Variants in GDAP1 observed in about 807,000 individuals in gnomAD.
The protein encoded by GDAP1 is ganglioside induced differentiation associated protein 1, also known as ganglioside-induced differentiation-associated protein 1.
A neutral mutation model predicts 40.1 loss-of-function variants in GDAP1; 34 were observed. That is an observed-to-expected ratio of 0.85 (90% confidence interval 0.64 to 1.13). The LOEUF (loss-of-function observed/expected upper bound fraction) is 1.13, where lower values mean the gene tolerates loss of function less well. Among genes scored for constraint, GDAP1 ranks in the 50% most tolerant of loss-of-function variants. The pLI, the probability that GDAP1 is intolerant of heterozygous loss-of-function variation, is 0.00. For missense variants in GDAP1, 374 were observed against 433.7 expected (o/e 0.86, Z 1.22); for synonymous variants, 170 against 157.4 (o/e 1.08, Z -0.60).
At chr8:74,406,492 C>T (rs1209881328) in intron 2 of GDAP1, among the ~76,000 whole-genome samples, 1 of 150,222 alleles carries the variant, frequency 6.7e-6, no homozygotes, top group Non-Finnish European at 1.5e-5. Context: ...TCAGCTCTGC[C>T]TGGATGAACA....
chr8:74,364,782 A>G lies in GDAP1; in HGVS notation c.*415A>G. 2.2e-6 allele frequency: 1 copy of G among 457,418 alleles called. No homozygotes were observed. The highest frequency in any genetic ancestry group is 1.5e-5 in the South Asian group (1 of 64,520). The allele number at this position is 457,418 out of a possible 1,614,324, so 28.3% of individuals were successfully genotyped here. A position where few individuals can be genotyped will look rare whatever the true frequency, so the allele number is the denominator to read the frequency against. ...AGAGGACTAGGGAATCACTGGGGAT[A>G]GTGGGCTGGAGAGAACCCCAGGCTT... On this transcript the variant is annotated 3_prime_UTR_variant, in exon 6 of 6. Transcript: ENST00000220822.
intron 3 of GDAP1, among the ~76,000 whole-genome samples, chr8:74,361,159 A>G (rs1323032956): frequency 1.3e-5 from 2 of 151,450 alleles, no homozygotes; most frequent in African/African-American, 4.9e-5. Context: ...CTCTTCATAA[A>G]TACCCTTTAT....
chr8:74,361,485 T>C (rs1809360742), intron 3 of GDAP1, among the ~76,000 whole-genome samples: 1 of 151,986 alleles, frequency 6.6e-6, no homozygotes, highest in African/African-American at 2.4e-5. Context: ...CAACCTCTGC[T>C]TCCTGAGTTC....
rs1317007133 is a variant in GDAP1 at position 74,365,349 on chromosome 8, G to A, written c.*982G>A. Reference sequence around the variant, plus strand: ...ACTTGGCAGTTAATCTAGGGAAGATGAATTAAATGGGTAGATAGTGATGCA... The same window carrying A: ...ACTTGGCAGTTAATCTAGGGAAGATAAATTAAATGGGTAGATAGTGATGCA... On this transcript the variant is annotated 3_prime_UTR_variant, in exon 6 of 6. Coordinates refer to ENST00000220822, the MANE Select transcript of GDAP1 (RefSeq NM_018972.4). The A allele has an allele frequency of 8.8e-6, 4 of 453,968 alleles. No homozygotes were observed. Among genetic ancestry groups the A allele is most frequent in the South Asian group, 4.7e-5 (3 of 64,474 alleles). 28.1% of individuals were successfully genotyped at this position (453,968 alleles called of 1,614,324 possible). A position where few individuals can be genotyped will look rare whatever the true frequency, so the allele number is the denominator to read the frequency against.
intron 2 of GDAP1, among the ~76,000 whole-genome samples, chr8:74,480,119 G>C (rs1243209678): frequency 6.6e-6 from 1 of 151,492 alleles, no homozygotes; most frequent in African/African-American, 2.4e-5. Flanking sequence ...CTCCCGAGTA[G>C]CTGGGATTAT....
chr8:74,372,541 G>A (rs1269226177), intron 2 of GDAP1, among the ~76,000 whole-genome samples: 1 of 152,154 alleles, frequency 6.6e-6, no homozygotes, highest in African/African-American at 2.4e-5. Context: ...ATTTTTTCAT[G>A]TATCTGTTGG....
At chr8:74,357,634 G>A (rs906393036) in intron 2 of GDAP1, among the ~76,000 whole-genome samples, 5 of 152,020 alleles carry the variant, frequency 3.3e-5, no homozygotes, top group Non-Finnish European at 5.9e-5. Context: ...CAGTTCTTCC[G>A]GCAAGTCGGA....
chr8:74,423,319 A>G (rs1805904540), intron 2 of GDAP1, among the ~76,000 whole-genome samples: 1 of 147,382 alleles, frequency 6.8e-6, no homozygotes, highest in Middle Eastern at 3.6e-3. Flanking sequence ...ATAATAGTAT[A>G]TATACTATTT....
chr8:74,414,380 A>T (rs1195039110), intron 2 of GDAP1, among the ~76,000 whole-genome samples: 2 of 150,038 alleles, frequency 1.3e-5, no homozygotes, highest in African/African-American at 2.5e-5. Flanking sequence ...TTATAACACT[A>T]CTCGAATAAG....
At position 74,399,118 on chromosome 8, in the gene GDAP1, G is replaced by A. The variant is rs182386483; in HGVS notation, c.165+47797G>A. ...TCTATTGATTGGAATAGTTTCAGAA[G>A]GAATGGTACCAGTTCCTCCTTGTAC... On this transcript the variant is annotated intron_variant, in intron 2 of 2. Coordinates refer to the GDAP1 transcript ENST00000523640. Among the ~76,000 whole-genome samples, 10 of 152,226 alleles carry A rather than the reference G, an allele frequency of 6.6e-5. No individual in the cohort carries two copies. In the East Asian group the frequency reaches 1.9e-3, roughly 29 times the overall value.
At chr8:74,481,590 T>C (rs908076516) in intron 2 of GDAP1, among the ~76,000 whole-genome samples, 4 of 152,190 alleles carry the variant, frequency 2.6e-5, no homozygotes, top group African/African-American at 9.6e-5. Context: ...AACCTTCATT[T>C]TGGGCAATAA....
Position 74,360,298 on chromosome 8 carries a change from A to C in GDAP1, c.472A>C (p.Thr158Pro). Residue 158 changes from threonine to proline, a missense_variant, in exon 3 of 6, where the codon ACA (threonine) becomes CCA (proline). Physicochemically the swap from Thr to Pro is conservative, Grantham distance 38 (BLOSUM62 -1). Transcript: ENST00000220822. ...CTCCATGATCCCGGCTTATGCAACT[A>C]CAAGGATTCGTAGTATGTAAACATT... ...VDSMIPAYAT[T>P]RIRSQIGNTE... 1 of 1,613,712 alleles carries C rather than the reference A, an allele frequency of 6.2e-7. No individual in the cohort carries two copies. The highest frequency in any genetic ancestry group is 1.3e-5 in the African/African-American group (1 of 75,020).
In GDAP1 at chr8:74,478,984, T is replaced by C. The variant is rs2128721373; in HGVS notation, c.166-9694T>C. 1.3e-5 allele frequency among the ~76,000 whole-genome samples: 2 copies of C among 152,262 alleles called. 1 individual carries two copies. Among genetic ancestry groups the C allele is most frequent in the South Asian group, 4.2e-4 (2 of 4,818 alleles). Reference sequence around the variant, plus strand: ...CTCAGCATCTGTGTCTTCCCTCCATTCACCCTCAATGCTTTCCCTGTGAAG... The same window carrying C: ...CTCAGCATCTGTGTCTTCCCTCCATCCACCCTCAATGCTTTCCCTGTGAAG... On this transcript the variant is annotated intron_variant, in intron 2 of 2. Transcript: ENST00000523640.
chr8:74,363,254 G>A (rs1809462594), intron 5 of GDAP1, among the ~76,000 whole-genome samples: 1 of 152,132 alleles, frequency 6.6e-6, no homozygotes, highest in Non-Finnish European at 1.5e-5. Context: ...TCTACGTGAA[G>A]GATTTTTCTG....
At chr8:74,428,918 A>T (rs1189085216) in intron 2 of GDAP1, among the ~76,000 whole-genome samples, 74 of 131,010 alleles carry the variant, frequency 5.6e-4, no homozygotes, top group Admixed American at 4.7e-3. Context: ...CCTGTGTCCA[A>T]GTGTTCTCGT....
At chr8:74,464,612 A>T (rs1806444677) in intron 2 of GDAP1, among the ~76,000 whole-genome samples, 1 of 152,238 alleles carries the variant, frequency 6.6e-6, no homozygotes, top group Non-Finnish European at 1.5e-5. Context: ...TTATAACAGC[A>T]TACTACATTT....
chr8:74,470,802 A>G (rs1274098144), intron 2 of GDAP1, among the ~76,000 whole-genome samples: 4 of 152,150 alleles, frequency 2.6e-5, no homozygotes, highest in South Asian at 2.1e-4. Context: ...TGGTATTTCT[A>G]GTTCTAGATC....
At chr8:74,353,172 G>A (rs1808955632) in intron 2 of GDAP1, among the ~76,000 whole-genome samples, 1 of 152,154 alleles carries the variant, frequency 6.6e-6, no homozygotes, top group South Asian at 2.1e-4. Context: ...ACCAAACAAA[G>A]GAAATGCTAA....
intron 2 of GDAP1, among the ~76,000 whole-genome samples, chr8:74,471,522 G>A (rs994313092): frequency 6.6e-6 from 1 of 150,386 alleles, no homozygotes; most frequent in African/African-American, 2.4e-5. Context: ...CTCAATTTCT[G>A]AGTCATATTT....
Sources: allele counts gnomAD v4.1 joint callset (sites outside exome capture counted in the v4.1 genomes callset), GRCh38; gene constraint gnomAD v4.1.1; transcripts MANE v1.5; gene names NCBI Gene and HGNC (gene_info 2026-07-23, HGNC 2026-07-21).